Variants in WWOX observed in about 807,000 individuals in gnomAD.
WWOX encodes WW domain containing oxidoreductase.
WWOX carries 69 observed loss-of-function variants against 46.2 expected under a neutral mutation model. The observed-to-expected ratio is 1.49, with a 90% confidence interval of 1.23 to 1.82. The LOEUF is 1.82. Among genes scored for constraint, WWOX ranks in the 40% most tolerant of loss-of-function variants. WWOX has a pLI of 0.00. For synonymous variants in WWOX, 359 were observed against 202.6 expected (o/e 1.77, Z -6.56); for missense variants, 919 against 542.6 (o/e 1.69, Z -6.89).
chr16:79,018,100 T>G (rs2113305), intron 8 of WWOX, among the ~76,000 whole-genome samples: 118,651 of 152,146 alleles, frequency 0.78, 47,084 homozygotes, highest in East Asian at 0.95. Flanking sequence ...GCAAAAGGAT[T>G]TCCATTTCTA....
intron 5 of WWOX, among the ~76,000 whole-genome samples, chr16:78,310,285 G>A (rs2080214586): frequency 1.3e-5 from 2 of 152,142 alleles, no homozygotes; most frequent in African/African-American, 2.4e-5. Context: ...TTCTAGAAAC[G>A]TGTGCTTCTG....
intron 8 of WWOX, among the ~76,000 whole-genome samples, chr16:78,678,575 T>A (rs543933010): frequency 6.6e-6 from 1 of 152,158 alleles, no homozygotes; most frequent in South Asian, 2.1e-4. Flanking sequence ...CAAGATGTGA[T>A]AATTGTATAA....
intron 5 of WWOX, among the ~76,000 whole-genome samples, chr16:78,233,955 C>T (rs2037354395): frequency 6.6e-6 from 1 of 152,182 alleles, no homozygotes; most frequent in Non-Finnish European, 1.5e-5. Context: ...TGTTTGGCCC[C>T]AGAGGCATCA....
chr16:78,269,881 C>T (rs544040045), intron 5 of WWOX, among the ~76,000 whole-genome samples: 44 of 149,194 alleles, frequency 2.9e-4, no homozygotes, highest in African/African-American at 1.0e-3. Flanking sequence ...TTTTCATTTA[C>T]ATCTGTCAGG....
In WWOX at chr16:79,021,743, A is replaced by T. The variant is rs2047537827; in HGVS notation, c.1057-189865A>T. On this transcript the variant is annotated intron_variant, in intron 8 of 8. Coordinates refer to ENST00000566780, the MANE Select transcript of WWOX (RefSeq NM_016373.4). Reference sequence around the variant, plus strand: ...AGATGTTAGTGAAAAATAAAGATGTAACATTTTGGCCATCTGTGTACACCC... The same window carrying T: ...AGATGTTAGTGAAAAATAAAGATGTTACATTTTGGCCATCTGTGTACACCC... 2.0e-5 allele frequency among the ~76,000 whole-genome samples: 3 copies of T among 152,322 alleles called. No individual in the cohort carries two copies. In the South Asian group the frequency reaches 6.2e-4, roughly 32 times the overall value.
intron 8 of WWOX, among the ~76,000 whole-genome samples, chr16:78,521,382 G>C (rs576997705): frequency 1.3e-4 from 20 of 152,236 alleles, no homozygotes; most frequent in African/African-American, 4.6e-4. Flanking sequence ...ATGGGGGTGT[G>C]TGGGTGGGTG....
intron 4 of WWOX, among the ~76,000 whole-genome samples, chr16:78,117,701 C>G (rs1478083511): frequency 6.6e-6 from 1 of 152,178 alleles, no homozygotes; most frequent in Non-Finnish European, 1.5e-5. Flanking sequence ...TTTAGTTCCG[C>G]TCATTTAAAA....
chr16:78,303,772 G>T (rs1215934612), intron 5 of WWOX, among the ~76,000 whole-genome samples: 1 of 152,022 alleles, frequency 6.6e-6, no homozygotes, highest in African/African-American at 2.4e-5. Context: ...TCAAACTCCC[G>T]ACCTGAGATG....
chr16:78,266,788 T>TCCTCTCTCTCTCTCTCTCTC, intron 5 of WWOX, among the ~76,000 whole-genome samples: 1 of 115,532 alleles, frequency 8.7e-6, no homozygotes, highest in South Asian at 3.3e-4. Context: ...TATTCTTCTA[T>TCCTCTCTCTCTCTCTCTCTC]TCTCTCTCTC....
intron 8 of WWOX, among the ~76,000 whole-genome samples, chr16:78,703,048 T>A (rs28521369): frequency 0.013 from 1,974 of 152,238 alleles, 19 homozygotes; most frequent in South Asian, 0.037. Flanking sequence ...TTGCAGTGCT[T>A]GTTGGGATCA....
chr16:79,002,720 G>C (rs2047118283), intron 8 of WWOX, among the ~76,000 whole-genome samples: 1 of 152,110 alleles, frequency 6.6e-6, no homozygotes, highest in Non-Finnish European at 1.5e-5. Context: ...ATTTCACAGA[G>C]GTGAAAACTG....
At position 78,737,021 on chromosome 16, in the gene WWOX, C is replaced by G. The variant is rs920886257; in HGVS notation, c.1056+304269C>G. ...GGTTTGCAGAGTGATGAGTGGGGCC[C>G]TTGAAATAATTACATTTAGTGGGTT... On this transcript the variant is annotated intron_variant, in intron 8 of 8. Transcript: ENST00000566780. Among the ~76,000 whole-genome samples the G allele has an allele frequency of 2.8e-4, 42 of 152,172 alleles. 2 individuals are homozygous for G. The highest frequency in any genetic ancestry group is 8.9e-4 in the African/African-American group (37 of 41,518).
chr16:78,729,100 T>G (rs920187222), intron 8 of WWOX, among the ~76,000 whole-genome samples: 1 of 152,134 alleles, frequency 6.6e-6, no homozygotes, highest in African/African-American at 2.4e-5. Context: ...CCCAGCACTT[T>G]GGGAGGCTGA....
chr16:78,240,700 C>G (rs1208512782), intron 5 of WWOX, among the ~76,000 whole-genome samples: 2 of 152,162 alleles, frequency 1.3e-5, no homozygotes, highest in Admixed American at 6.5e-5. Context: ...TCCAGAGCAG[C>G]CGTCTCGTGT....
At chr16:78,788,054 G>A (rs753990450) in intron 8 of WWOX, among the ~76,000 whole-genome samples, 1 of 152,048 alleles carries the variant, frequency 6.6e-6, no homozygotes, top group Non-Finnish European at 1.5e-5. Context: ...GACCCTTATC[G>A]TATAAATCCT....
At chr16:78,165,917 T>G (rs1345081275) in intron 5 of WWOX, among the ~76,000 whole-genome samples, 1 of 152,198 alleles carries the variant, frequency 6.6e-6, no homozygotes, top group African/African-American at 2.4e-5. Context: ...ATCATTTTAT[T>G]GTCTTTCTGA....
chr16:78,877,153 C>T (rs188949886), intron 8 of WWOX, among the ~76,000 whole-genome samples: 25 of 152,218 alleles, frequency 1.6e-4, no homozygotes, highest in African/African-American at 5.5e-4. Flanking sequence ...TTTAGTCAGA[C>T]GAGGAAGGAA....
At chr16:78,546,549 T>C (rs796166280) in intron 8 of WWOX, among the ~76,000 whole-genome samples, 20 of 152,358 alleles carry the variant, frequency 1.3e-4, no homozygotes, top group African/African-American at 4.6e-4. Context: ...ATTGTTTATA[T>C]TGTTTGTTGA....
intron 8 of WWOX, among the ~76,000 whole-genome samples, chr16:78,544,923 T>A (rs561112795): frequency 4.4e-4 from 66 of 150,898 alleles, no homozygotes; most frequent in Admixed American, 1.6e-3. Flanking sequence ...CTGCCTATAA[T>A]CCTAGCCCTT....
Sources: allele counts gnomAD v4.1 joint callset (sites outside exome capture counted in the v4.1 genomes callset), GRCh38; gene constraint gnomAD v4.1.1; transcripts MANE v1.5; gene names NCBI Gene and HGNC (gene_info 2026-07-23, HGNC 2026-07-21).